Variants in SNAP25 observed in about 807,000 individuals in gnomAD.
SNAP25 encodes synaptosome associated protein 25, also known as synaptosomal-associated protein 25.
Under a neutral mutation model 28.7 loss-of-function variants are expected in SNAP25, and 3 were observed. The ratio of observed to expected loss-of-function variants is 0.10; its 90% CI spans 0.05 to 0.27. The LOEUF (loss-of-function observed/expected upper bound fraction) is 0.27, where lower values mean the gene tolerates loss of function less well. Among genes scored for constraint, SNAP25 ranks in the 10% least tolerant of loss-of-function variants. The pLI, the probability that SNAP25 is intolerant of heterozygous loss-of-function variation, is 1.00. For synonymous variants in SNAP25, 61 were observed against 88.1 expected (o/e 0.69, Z 1.72); for missense variants, 117 against 278.7 (o/e 0.42, Z 4.13).
Position 10,243,622 on chromosome 20 carries a change from T to C in SNAP25, c.-64+24645T>C, listed in dbSNP as rs1032576886. 2.0e-5 allele frequency among the ~76,000 whole-genome samples: 3 copies of C among 152,142 alleles called. No individual in the cohort carries two copies. In the East Asian group the frequency reaches 5.8e-4, roughly 29 times the overall value. On this transcript the variant is annotated intron_variant, in intron 1 of 7. Transcript: ENST00000254976. The stretch of plus-strand genomic sequence containing the variant: ...TTCTTGTAATGGAACAAGACTAGGG[T>C]TGTTAGACTCGGGTTATGGGTTTTT...
At chr20:10,229,615 C>G (rs2062791888) in intron 1 of SNAP25, among the ~76,000 whole-genome samples, 1 of 152,070 alleles carries the variant, frequency 6.6e-6, no homozygotes, top group South Asian at 2.1e-4. Flanking sequence ...GGAGAGCTTG[C>G]TGGGGAAAGA....
intron 1 of SNAP25, among the ~76,000 whole-genome samples, chr20:10,264,984 C>T (rs1007253758): frequency 1.2e-4 from 18 of 147,520 alleles, no homozygotes; most frequent in African/African-American, 3.3e-4. Context: ...TGCAGTGGCG[C>T]GATCTCGGCT....
intron 1 of SNAP25, among the ~76,000 whole-genome samples, chr20:10,239,278 T>C (rs1045941296): frequency 6.6e-6 from 1 of 152,242 alleles, no homozygotes; most frequent in African/African-American, 2.4e-5. Context: ...TCTGTGGCTG[T>C]AGACAATAGT....
At chr20:10,250,763 T>C (rs1336786846) in intron 1 of SNAP25, among the ~76,000 whole-genome samples, 1 of 152,230 alleles carries the variant, frequency 6.6e-6, no homozygotes, top group African/African-American at 2.4e-5. Context: ...GATGGATAGA[T>C]GGGTGGTCCC....
intron 1 of SNAP25, among the ~76,000 whole-genome samples, chr20:10,254,374 C>T (rs1166181937): frequency 1.3e-5 from 2 of 152,200 alleles, no homozygotes; most frequent in Admixed American, 1.3e-4. Context: ...GGCACACCCC[C>T]CTTGCTTGGC....
In SNAP25 at chr20:10,296,963, A is replaced by G. The variant is rs1568626827; in HGVS notation, c.320A>G (p.Asn107Ser). Residue 107 changes from asparagine (N) to serine (S), a missense_variant, in exon 6 of 8, where the codon AAT (asparagine) becomes AGT (serine). Coordinates refer to ENST00000254976, the MANE Select transcript of SNAP25 (RefSeq NM_130811.4). ...SSDAYKKAWG[N>S]NQDGVVASQP... ...GATGCTTACAAAAAAGCCTGGGGCAATAATCAGGACGGAGTGGTGGCCAGC... is the reference window on the plus strand; with the variant it reads ...GATGCTTACAAAAAAGCCTGGGGCAGTAATCAGGACGGAGTGGTGGCCAGC... The G allele has an allele frequency of 1.2e-6, 2 of 1,614,186 alleles. No individual in the cohort carries two copies. Among genetic ancestry groups the G allele is most frequent in the East Asian group, 2.2e-5 (1 of 44,878 alleles).
At chr20:10,244,269 C>A (rs192720457) in intron 1 of SNAP25, among the ~76,000 whole-genome samples, 2 of 152,218 alleles carry the variant, frequency 1.3e-5, no homozygotes, top group African/African-American at 4.8e-5. Flanking sequence ...CAATAATGCA[C>A]CTCAGTGACA....
At chr20:10,243,701 T>C (rs577395136) in intron 1 of SNAP25, among the ~76,000 whole-genome samples, 118 of 152,304 alleles carry the variant, frequency 7.7e-4, no homozygotes, top group African/African-American at 2.8e-3. Flanking sequence ...TGTCAGGGGA[T>C]ACAGTAGATC....
chr20:10,256,941 T>C (rs977737117), intron 1 of SNAP25, among the ~76,000 whole-genome samples: 1 of 152,194 alleles, frequency 6.6e-6, no homozygotes, highest in African/African-American at 2.4e-5. Context: ...CAGGATAATA[T>C]GTGTATATCT....
At chr20:10,262,496 A>G (rs995548403) in intron 1 of SNAP25, among the ~76,000 whole-genome samples, 4 of 152,220 alleles carry the variant, frequency 2.6e-5, no homozygotes, top group Non-Finnish European at 5.9e-5. Flanking sequence ...CTGAGAACAC[A>G]GAGAATTTTT....
intron 1 of SNAP25, among the ~76,000 whole-genome samples, chr20:10,271,359 G>T (rs567857029): frequency 6.6e-6 from 1 of 152,188 alleles, no homozygotes. Context: ...CTGGAGGTAC[G>T]CTCAGCGCCC....
At chr20:10,239,143 CA>C (rs1200664158) in intron 1 of SNAP25, among the ~76,000 whole-genome samples, 1 of 152,170 alleles carries the variant, frequency 6.6e-6, no homozygotes, top group South Asian at 2.1e-4. Flanking sequence ...ATTTAAATGA[CA>C]AAATCTAAAG....
Position 10,275,511 on chromosome 20 carries a change from T to C in SNAP25, c.20T>C (p.Met7Thr), listed in dbSNP as rs1255056045. MAEDAD[M>T]RNELEEMQRR... ...GCTACCATGGCCGAAGACGCAGACA[T>C]GCGCAATGAGCTGGAGGAGATGCAG... is the stretch of plus-strand genomic sequence containing the variant. Residue 7 changes from methionine (M) to threonine (T), a missense_variant, in exon 2 of 8, where the codon ATG becomes ACG. Coordinates refer to ENST00000254976, the MANE Select transcript of SNAP25 (RefSeq NM_130811.4). 2 of 1,606,558 alleles carry C rather than the reference T, an allele frequency of 1.2e-6. No individual in the cohort carries two copies. The highest frequency in any genetic ancestry group is 1.3e-5 in the African/African-American group (1 of 74,962).
chr20:10,292,465 G>C (rs896143360), intron 4 of SNAP25, among the ~76,000 whole-genome samples: 6 of 152,128 alleles, frequency 3.9e-5, no homozygotes, highest in Non-Finnish European at 8.8e-5. Flanking sequence ...ATCTGGTTGA[G>C]GATGCTTAAA....
rs184923061 is a variant in SNAP25, at chr20:10,241,389, C to T, written c.-64+22412C>T. On this transcript the variant is annotated intron_variant, in intron 1 of 7. Transcript: ENST00000254976. ...CCCTCCTCCCTCTTTCTGCCACTCC[C>T]CATGTATTTACTGAGCATCTATTAC... 5.8e-4 allele frequency among the ~76,000 whole-genome samples: 88 copies of T among 152,222 alleles called. 1 individual carries two copies. The East Asian group carries it at 0.016, about 27-fold the overall frequency.
At chr20:10,285,599 AT>A (rs946432834) in intron 4 of SNAP25, among the ~76,000 whole-genome samples, 4 of 151,896 alleles carry the variant, frequency 2.6e-5, no homozygotes, top group East Asian at 1.9e-4. Context: ...AGTCATGACT[AT>A]TTTTTTTATG....
intron 1 of SNAP25, among the ~76,000 whole-genome samples, chr20:10,266,743 TGAC>T (rs1325619490): frequency 1.3e-5 from 2 of 152,104 alleles, no homozygotes; most frequent in Non-Finnish European, 1.5e-5. Context: ...CCTATAAACA[TGAC>T]AACACAGCTG....
intron 1 of SNAP25, among the ~76,000 whole-genome samples, chr20:10,265,442 C>A (rs561070428): frequency 1.3e-5 from 2 of 152,200 alleles, no homozygotes; most frequent in African/African-American, 4.8e-5. Flanking sequence ...GTCTCCAATG[C>A]ACAAAATCCT....
At chr20:10,273,319 A>G (rs1182409705) in intron 1 of SNAP25, among the ~76,000 whole-genome samples, 1 of 152,248 alleles carries the variant, frequency 6.6e-6, no homozygotes, top group Non-Finnish European at 1.5e-5. Context: ...TTGGTTAGGA[A>G]ATCATGCTCA....
Sources: gnomAD v4.1 joint callset for allele counts (sites outside exome capture counted in the v4.1 genomes callset) on GRCh38, gnomAD v4.1.1 for gene constraint, MANE v1.5 for transcripts, NCBI Gene and HGNC (gene_info 2026-07-23, HGNC 2026-07-21) for gene names.